MAST1: variants seen among roughly 807,000 people sequenced by gnomAD.
The protein encoded by MAST1 is microtubule-associated serine/threonine-protein kinase 1.
A neutral mutation model predicts 124.6 loss-of-function variants in MAST1; 40 were observed. The observed-to-expected ratio is 0.32, with a 90% CI of 0.25 to 0.42. MAST1 has a LOEUF of 0.42. Ranked by LOEUF, MAST1 falls within the 10% of genes least tolerant of loss-of-function variation. MAST1 has a pLI of 1.00. For missense variants in MAST1, 1,558 were observed against 2,181.9 expected, an observed-to-expected ratio of 0.71 and a Z score of 5.70; for synonymous variants, 938 against 939.4, an observed-to-expected ratio of 1.00 and a Z score of 0.03.
intron 24 of MAST1, 103 bp downstream of exon 24, chr19:12,871,275 G>A (rs1416656549): frequency 2.3e-5 from 35 of 1,507,056 alleles, no homozygotes; most frequent in Non-Finnish European, 2.8e-5. Flanking sequence ...GAAAGGTGGC[G>A]GGAACAAATG....
intron 10 of MAST1, 76 bp from the exon 11 acceptor site, chr19:12,858,286 C>T (rs1434398143): frequency 7.8e-7 from 1 of 1,279,786 alleles, no homozygotes; most frequent in African/African-American, 1.5e-5. Context: ...TCAGTTTCCC[C>T]ATGTGTAAAA....
At chr19:12,862,254 C>G (rs1394632625) in intron 12 of MAST1, among the ~76,000 whole-genome samples, 1 of 152,164 alleles carries the variant, frequency 6.6e-6, no homozygotes, top group South Asian at 2.1e-4. Context: ...ATCCATCAGT[C>G]TCGGCCTCCC....
rs140961604 is a variant in MAST1 at position 12,858,343 on chromosome 19, C to G, written c.1078-19C>G. On this transcript the variant is annotated intron_variant, in intron 10 of 25. Transcript: ENST00000251472. Reference sequence around the variant, plus strand: ...CTCATGATGATGATGGTGGTGTGGTCTCCATCTTTTTCCTGAAGGGCCGCA... The same window carrying G: ...CTCATGATGATGATGGTGGTGTGGTGTCCATCTTTTTCCTGAAGGGCCGCA... 31 of 1,608,040 alleles carry G rather than the reference C, an allele frequency of 1.9e-5. No homozygotes were observed. Among genetic ancestry groups the G allele is most frequent in the Non-Finnish European group, 2.6e-5 (31 of 1,175,482 alleles).
At position 12,852,407 on chromosome 19, in the gene MAST1, T is replaced by A; in HGVS notation, c.1077+12T>A. On this transcript the variant is annotated intron_variant, in intron 10 of 25. Transcript: ENST00000251472. Reference sequence around the variant, plus strand: ...ACGATCTCTCTGAGGTAAGGCTGGGTGGCTAAGCGGTCAGTACCCTGGTTC... The same window carrying A: ...ACGATCTCTCTGAGGTAAGGCTGGGAGGCTAAGCGGTCAGTACCCTGGTTC... 6.2e-7 allele frequency: 1 copy of A among 1,603,618 alleles called. No homozygotes were observed. The highest frequency in any genetic ancestry group is 8.5e-7 in the Non-Finnish European group (1 of 1,174,126).
rs748096899 is a variant in MAST1, at chr19:12,864,813, C to T, written c.1371C>T (p.Gly457=). The change falls in exon 13 of 26, where the codon GGC becomes GGT. Residue 457 remains glycine, a synonymous_variant. Transcript: ENST00000251472. ...LCMVMEYVEG[G]DCATLLKNIG... ...GGCCCATTTCCTGGCCTGCAGGCGGCGACTGTGCCACCCTGCTGAAGAATA... is the reference window on the plus strand; with the variant it reads ...GGCCCATTTCCTGGCCTGCAGGCGGTGACTGTGCCACCCTGCTGAAGAATA... 12 of 1,613,530 alleles carry T rather than the reference C, an allele frequency of 7.4e-6. No individual in the cohort carries two copies. The highest frequency in any genetic ancestry group is 6.7e-5 in the Admixed American group (4 of 59,988).
At position 12,841,027 on chromosome 19, in the gene MAST1, C is replaced by T. The variant is rs1969819932; in HGVS notation, c.209C>T (p.Pro70Leu). The T allele has an allele frequency of 6.5e-7, 1 of 1,538,342 alleles. No individual in the cohort carries two copies. Among genetic ancestry groups the T allele is most frequent in the Non-Finnish European group, 9.0e-7 (1 of 1,110,468 alleles). ...CTGGACAGCCCCCGAAACTTCTCCC[C>T]CAACACCCCCGCCCACTTCTCGTTT... ...SPLDSPRNFS[P>L]NTPAHFSFAS... The change falls in exon 3 of 26, where the codon CCC becomes CTC. Residue 70 changes from proline (P) to leucine (L), a missense_variant. By Grantham distance (98) the Pro-to-Leu change is moderately conservative. Coordinates refer to ENST00000251472, the MANE Select transcript of MAST1 (RefSeq NM_014975.3). The surrounding 1 kb of genome is among the most constrained non-coding windows in gnomAD (Gnocchi z 4.3).
At position 12,858,364 on chromosome 19, in the gene MAST1, C is replaced by T. The variant is rs762222792; in HGVS notation, c.1080C>T (p.Gly360=). 1.9e-6 allele frequency: 3 copies of T among 1,613,580 alleles called. No individual in the cohort carries two copies. The highest frequency in any genetic ancestry group is 2.2e-5 in the South Asian group (2 of 91,036). ...TGGTCTCCATCTTTTTCCTGAAGGG[C>T]CGCAGCAGCAAGGCCAAGAAACCGC... ...NTPEQDDLSE[G]RSSKAKKPPG... is the part of the protein sequence containing the mutation. The change falls in exon 11 of 26, where the codon GGC becomes GGT. Residue 360 remains glycine (G), a splice_region_variant and synonymous_variant. Transcript: ENST00000251472.
intron 10 of MAST1, among the ~76,000 whole-genome samples, chr19:12,853,247 A>G (rs1278164598): frequency 6.6e-6 from 1 of 151,138 alleles, no homozygotes; most frequent in East Asian, 2.0e-4. Flanking sequence ...CTGGGATTAC[A>G]GGCATGAGCC....
rs2145885903 is a variant in MAST1 at position 12,843,436 on chromosome 19, ACCCTGGCCCTGGCCAGTGGC to A, written c.249-92_249-73del. The A allele has an allele frequency of 1.1e-6, 1 of 909,404 alleles. No homozygotes were observed. The highest frequency in any genetic ancestry group is 1.8e-6 in the Non-Finnish European group (1 of 571,106). 56.3% of individuals were successfully genotyped at this position (909,404 alleles called of 1,614,324 possible). Reference sequence around the variant, plus strand: ...GTGCAGATATATTCCCCCAACCCCCACCCTGGCCCTGGCCAGTGGCTTCACCCACACCCTGAGGAGTTGGG... The same window carrying A: ...GTGCAGATATATTCCCCCAACCCCCATTCACCCACACCCTGAGGAGTTGGG... On this transcript the variant is annotated intron_variant, in intron 3 of 25. Transcript: ENST00000251472. The surrounding 1 kb of genome is among the most constrained non-coding windows in gnomAD (Gnocchi z 4.9).
In MAST1 at chr19:12,865,405, C is replaced by T; in HGVS notation, c.1728C>T (p.Ile576=). Residue 576 remains isoleucine, a synonymous_variant, in exon 15 of 26, where the codon ATC becomes ATT. Coordinates refer to ENST00000251472, the MANE Select transcript of MAST1 (RefSeq NM_014975.3). The surrounding 1 kb of genome is among the most constrained non-coding windows in gnomAD (Gnocchi z 7.1). ...KPVDWWAMGI[I]LYEFLVGCVP... is the part of the protein sequence containing the mutation. ...TGGACTGGTGGGCTATGGGGATCAT[C>T]CTCTACGAGTTCCTGGTGGGCTGTG... The T allele has an allele frequency of 6.2e-7, 1 of 1,612,428 alleles. No homozygotes were observed.
chr19:12,868,099 TG>T (rs1180529182), intron 20 of MAST1, 122 bp downstream of exon 20: 40 of 863,522 alleles, frequency 4.6e-5, no homozygotes, highest in Non-Finnish European at 5.8e-5. Context: ...CATTGCAATT[TG>T]GGATTTTTTT....
chr19:12,843,224 T>C lies in MAST1; in HGVS notation c.249-305T>C. Among the ~76,000 whole-genome samples the C allele has an allele frequency of 6.6e-6, 1 of 151,256 alleles. No individual in the cohort carries two copies. Among genetic ancestry groups the C allele is most frequent in the East Asian group, 2.0e-4 (1 of 5,114 alleles). On this transcript the variant is annotated intron_variant, in intron 3 of 25. Coordinates refer to ENST00000251472, the MANE Select transcript of MAST1 (RefSeq NM_014975.3). This position sits in a 1 kb window ranked among gnomAD's most constrained non-coding sequence, Gnocchi z 4.9. ...TGGAGAGTGTTCACTTGGGGGAAAT[T>C]TCTAGAATCTCTCTGGAAAGGCTTC...
chr19:12,866,995 G>T lies in MAST1; in HGVS notation c.2139+233G>T, dbSNP rs1401863186. The stretch of plus-strand genomic sequence containing the variant: ...AATCAGGACAGTTGTGCAGATTGAG[G>T]CCATGGTGGGGCGGGGCTAGGTGTG... On this transcript the variant is annotated intron_variant, in intron 18 of 25. Coordinates refer to ENST00000251472, the MANE Select transcript of MAST1 (RefSeq NM_014975.3). This position sits in a 1 kb window ranked among gnomAD's most constrained non-coding sequence, Gnocchi z 5.2. 2.4e-4 allele frequency among the ~76,000 whole-genome samples: 36 copies of T among 150,226 alleles called. No individual in the cohort carries two copies. Among genetic ancestry groups the T allele is most frequent in the Admixed American group, 8.6e-4 (13 of 15,120 alleles).
At chr19:12,842,240 G>C (rs933246675) in intron 3 of MAST1, among the ~76,000 whole-genome samples, 1 of 151,202 alleles carries the variant, frequency 6.6e-6, no homozygotes, top group African/African-American at 2.4e-5. Flanking sequence ...GTGTGTGGCT[G>C]TGAGATAGTA....
chr19:12,867,337 G>C (rs1412390788), intron 18 of MAST1, 137 bp from the exon 19 acceptor site: 1 of 931,396 alleles, frequency 1.1e-6, no homozygotes, highest in African/African-American at 1.6e-5. Context: ...TGTAGGTTGG[G>C]GGATCATGCA....
intron 7 of MAST1, among the ~76,000 whole-genome samples, chr19:12,849,588 CGGGAG>C (rs1174101779): frequency 6.6e-6 from 1 of 151,634 alleles, no homozygotes; most frequent in Non-Finnish European, 1.5e-5. Context: ...CGCTTGAATC[CGGGAG>C]GCAGTGGTTG....
intron 10 of MAST1, among the ~76,000 whole-genome samples, chr19:12,853,467 G>T (rs1221426660): frequency 6.6e-6 from 1 of 151,266 alleles, no homozygotes; most frequent in East Asian, 2.0e-4. Context: ...GAGGTGGGAG[G>T]ATCCTATGAG....
chr19:12,841,303 C>T lies in MAST1; in HGVS notation c.248+237C>T, dbSNP rs1029679634. On this transcript the variant is annotated intron_variant, in intron 3 of 25. Transcript: ENST00000251472. The surrounding 1 kb of genome is among the most constrained non-coding windows in gnomAD (Gnocchi z 4.3). ...CGGTGGGGCTCCCTTTGCGGCAGGT[C>T]GAAAGCGCGTGCGCCCTGGGCGCGG... 1.3e-5 allele frequency among the ~76,000 whole-genome samples: 2 copies of T among 152,242 alleles called. No individual in the cohort carries two copies. The highest frequency in any genetic ancestry group is 2.9e-5 in the Non-Finnish European group (2 of 68,046).
At chr19:12,873,554 T>C in intron 25 of MAST1, 43 bp downstream of exon 25, 1 of 1,582,442 alleles carries the variant, frequency 6.3e-7, no homozygotes, top group Non-Finnish European at 8.6e-7. Context: ...CAGCGCGGGG[T>C]GGCCTGGCTG....
Sources: allele counts gnomAD v4.1 joint callset (sites outside exome capture counted in the v4.1 genomes callset), GRCh38; gene constraint gnomAD v4.1.1; non-coding constraint Gnocchi (gnomAD v3.1); transcripts MANE v1.5; gene names NCBI Gene and HGNC (gene_info 2026-07-23, HGNC 2026-07-21).